Variants in MIS18A observed in about 807,000 individuals in gnomAD.
MIS18A encodes protein Mis18-alpha.
In MIS18A, 14 loss-of-function variants were observed where a neutral mutation model predicts 25.0. That is an observed-to-expected ratio of 0.56 (90% CI 0.37 to 0.88). MIS18A has a LOEUF of 0.88. MIS18A is among the 40% of genes least tolerant of loss of function. The probability of loss-of-function intolerance (pLI) is 0.00; values close to 1 mark genes in which losing one functional copy is unlikely to be tolerated. For missense variants in MIS18A, 292 were observed against 290.8 expected, an observed-to-expected ratio of 1.00 and a Z score of -0.03; for synonymous variants, 134 against 118.6, an observed-to-expected ratio of 1.13 and a Z score of -0.84.
the MIS18A span, among the ~76,000 whole-genome samples, chr21:32,208,031 G>T: frequency 2.0e-5 from 3 of 152,182 alleles, no homozygotes; most frequent in Non-Finnish European, 4.4e-5. Context: ...GTCCTGCATG[G>T]ACCTCAAAGT....
At chr21:32,273,866 C>G (rs1448811685) in intron 2 of MIS18A, among the ~76,000 whole-genome samples, 1 of 152,150 alleles carries the variant, frequency 6.6e-6, no homozygotes, top group Admixed American at 6.5e-5. Flanking sequence ...ATTTCATACG[C>G]AAGTGTAAGA....
chr21:32,159,503 C>A, the MIS18A span, among the ~76,000 whole-genome samples: 1 of 152,110 alleles, frequency 6.6e-6, no homozygotes, highest in Non-Finnish European at 1.5e-5. Flanking sequence ...TAGTTTATAA[C>A]CCTTATGGCA....
chr21:32,200,049 G>A, the MIS18A span, among the ~76,000 whole-genome samples: 1 of 152,200 alleles, frequency 6.6e-6, no homozygotes, highest in Non-Finnish European at 1.5e-5. Flanking sequence ...GGGATACTCG[G>A]CAGTTGCCTG....
At chr21:32,160,978 C>T in the MIS18A span, among the ~76,000 whole-genome samples, 3 of 152,166 alleles carry the variant, frequency 2.0e-5, no homozygotes, top group African/African-American at 7.2e-5. Flanking sequence ...AAGAGGCAAT[C>T]AGATACACAT....
At chr21:32,277,248 G>A (rs1865275049) in intron 1 of MIS18A, among the ~76,000 whole-genome samples, 2 of 152,086 alleles carry the variant, frequency 1.3e-5, no homozygotes, top group South Asian at 2.1e-4. Context: ...AAAAGCTATT[G>A]TTATAAAAAT....
the MIS18A span, among the ~76,000 whole-genome samples, chr21:32,177,053 C>T: frequency 5.3e-5 from 8 of 151,948 alleles, no homozygotes. Flanking sequence ...ATGCAAAAAT[C>T]CTAAATAAAA....
the MIS18A span, among the ~76,000 whole-genome samples, chr21:32,237,550 T>G: frequency 2.6e-5 from 4 of 152,156 alleles, no homozygotes; most frequent in Non-Finnish European, 4.4e-5. Context: ...TTGGAGTTGA[T>G]AAGCAAATTA....
chr21:32,269,014 G>T lies in MIS18A; in HGVS notation c.*23C>A. 2 of 1,540,696 alleles carry T rather than the reference G, an allele frequency of 1.3e-6. No homozygotes were observed. ...AATAAGGGGAGGAAGGGCGGGGGCAGAATGGAGGACACAGACTAGAGTTCA... is the reference window on the plus strand; with the variant it reads ...AATAAGGGGAGGAAGGGCGGGGGCATAATGGAGGACACAGACTAGAGTTCA... On this transcript the variant is annotated 3_prime_UTR_variant, in exon 5 of 5. Transcript: ENST00000290130.
chr21:32,270,282 G>A, intron 3 of MIS18A, 125 bp downstream of exon 3: 1 of 1,106,634 alleles, frequency 9.0e-7, no homozygotes, highest in Admixed American at 3.0e-5. Flanking sequence ...AAAAATTACT[G>A]GCTTGTTAGA....
chr21:32,162,848 G>A, the MIS18A span, among the ~76,000 whole-genome samples: 17 of 152,268 alleles, frequency 1.1e-4, 1 homozygote, highest in East Asian at 3.1e-3. Context: ...CCAAAGCCAG[G>A]GGCACATGGC....
chr21:32,173,462 G>A, the MIS18A span, among the ~76,000 whole-genome samples: 8 of 152,068 alleles, frequency 5.3e-5, no homozygotes, highest in Non-Finnish European at 1.0e-4. Flanking sequence ...CAAGAGAAAT[G>A]AAAATATATT....
the MIS18A span, among the ~76,000 whole-genome samples, chr21:32,244,532 G>A: frequency 6.6e-6 from 1 of 152,150 alleles, no homozygotes; most frequent in Non-Finnish European, 1.5e-5. Context: ...AGTCCGGGAA[G>A]TTGAGATCTG....
chr21:32,223,390 A>G, the MIS18A span, among the ~76,000 whole-genome samples: 1 of 152,212 alleles, frequency 6.6e-6, no homozygotes, highest in Non-Finnish European at 1.5e-5. Flanking sequence ...AGCCAGAGCA[A>G]TAAAGAAGAA....
intron 2 of MIS18A, among the ~76,000 whole-genome samples, chr21:32,274,490 G>A (rs959993039): frequency 6.6e-6 from 1 of 151,966 alleles, no homozygotes; most frequent in African/African-American, 2.4e-5. Flanking sequence ...ACAGGCGTGA[G>A]CCACCGTGCC....
chr21:32,254,736 C>T, the MIS18A span, among the ~76,000 whole-genome samples: 1 of 152,158 alleles, frequency 6.6e-6, no homozygotes, highest in African/African-American at 2.4e-5. Flanking sequence ...TCCGTCTCCT[C>T]TTTTATTCTC....
At chr21:32,257,167 G>A in the MIS18A span, among the ~76,000 whole-genome samples, 7 of 152,196 alleles carry the variant, frequency 4.6e-5, no homozygotes, top group South Asian at 1.0e-3. Flanking sequence ...GGGACATAGC[G>A]ATTGAGGAGA....
chr21:32,190,054 T>C, the MIS18A span, among the ~76,000 whole-genome samples: 1 of 152,152 alleles, frequency 6.6e-6, no homozygotes, highest in Non-Finnish European at 1.5e-5. Context: ...ATGTGAAAAT[T>C]ACAGAAGAAG....
chr21:32,271,901 T>C (rs369766694), intron 2 of MIS18A, among the ~76,000 whole-genome samples: 24 of 152,322 alleles, frequency 1.6e-4, no homozygotes, highest in Middle Eastern at 3.4e-3. Flanking sequence ...TAATATCTAA[T>C]GTCATCAGCC....
In MIS18A at chr21:32,278,953, T is replaced by G; in HGVS notation, c.62A>C (p.Asp21Ala). The change falls in exon 1 of 5, where the codon GAC becomes GCC. Residue 21 changes from aspartate to alanine, a missense_variant. Physicochemically the swap from Asp to Ala is moderately radical, Grantham distance 126. Coordinates refer to ENST00000290130, the MANE Select transcript of MIS18A (RefSeq NM_018944.3). ...RGCAGGCECG[D>A]KGKCSDSSLL... ...CGAGGAGTCGCTGCATTTGCCCTTG[T>G]CGCCGCACTCACAGCCGCCAGCGCA... 6.2e-7 allele frequency: 1 copy of G among 1,612,858 alleles called. No homozygotes were observed. The highest frequency in any genetic ancestry group is 1.1e-5 in the South Asian group (1 of 91,084).
Sources: allele counts gnomAD v4.1 joint callset (sites outside exome capture counted in the v4.1 genomes callset), GRCh38; gene constraint gnomAD v4.1.1; transcripts MANE v1.5; gene names NCBI Gene and HGNC (gene_info 2026-07-23, HGNC 2026-07-21).